Variants in NIBAN1 observed in about 807,000 individuals in gnomAD.
NIBAN1 encodes niban apoptosis regulator 1, also known as protein Niban 1.
Under a neutral mutation model 75.1 loss-of-function variants are expected in NIBAN1, and 81 were observed. That is an observed-to-expected ratio of 1.08 (90% confidence interval 0.90 to 1.30). The LOEUF (loss-of-function observed/expected upper bound fraction) is 1.30, where lower values mean the gene tolerates loss of function less well. NIBAN1 is among the 50% of genes most tolerant of loss of function. NIBAN1 has a pLI of 0.00. For synonymous variants in NIBAN1, 436 were observed against 424.8 expected, an observed-to-expected ratio of 1.03 and a Z score of -0.32; for missense variants, 1,133 against 1,128.1, an observed-to-expected ratio of 1.00 and a Z score of -0.06.
intron 1 of NIBAN1, among the ~76,000 whole-genome samples, chr1:184,946,518 G>A (rs376705251): frequency 3.0e-4 from 46 of 152,268 alleles, no homozygotes; most frequent in African/African-American, 1.0e-3. Context: ...ATTTATTTAC[G>A]CCTTGGAGCT....
At chr1:184,942,025 T>A (rs1171425764) in intron 1 of NIBAN1, among the ~76,000 whole-genome samples, 1 of 152,132 alleles carries the variant, frequency 6.6e-6, no homozygotes, top group Non-Finnish European at 1.5e-5. Flanking sequence ...AGAAACTACC[T>A]TAAGACAATG....
At chr1:184,897,741 C>A (rs1656837955) in intron 2 of NIBAN1, among the ~76,000 whole-genome samples, 1 of 152,184 alleles carries the variant, frequency 6.6e-6, no homozygotes, top group African/African-American at 2.4e-5. Flanking sequence ...AAAGGCAACT[C>A]CATCCACTTA....
Position 184,884,380 on chromosome 1 carries a change from C to G in NIBAN1, c.601+253G>C, listed in dbSNP as rs191500150. 2.0e-4 allele frequency among the ~76,000 whole-genome samples: 30 copies of G among 152,052 alleles called. No homozygotes were observed. The East Asian group carries it at 5.6e-3, about 28-fold the overall frequency. On this transcript the variant is annotated intron_variant, in intron 5 of 13. Transcript: ENST00000367511. The stretch of plus-strand genomic sequence containing the variant: ...CTGGGATTACAGGTGCCCACCACCA[C>G]GTCCAGCTATATTTTTTTGTATTTT...
chr1:184,956,046 A>T (rs1157645295), intron 1 of NIBAN1, among the ~76,000 whole-genome samples: 18 of 116,596 alleles, frequency 1.5e-4, no homozygotes, highest in African/African-American at 3.9e-4. Context: ...TTTTTTTTTT[A>T]GAGCCAAATT....
chr1:184,912,707 C>G (rs937516874), intron 1 of NIBAN1, among the ~76,000 whole-genome samples: 3 of 152,198 alleles, frequency 2.0e-5, no homozygotes, highest in African/African-American at 7.2e-5. Flanking sequence ...TGAATTATGT[C>G]AAGTCCTATG....
At chr1:184,965,109 C>A (rs569892971) in intron 1 of NIBAN1, among the ~76,000 whole-genome samples, 1 of 152,156 alleles carries the variant, frequency 6.6e-6, no homozygotes, top group Non-Finnish European at 1.5e-5. Flanking sequence ...AACATCCTGG[C>A]TGACACGGTG....
chr1:184,958,699 G>T (rs1474310493), intron 1 of NIBAN1, among the ~76,000 whole-genome samples: 2 of 152,202 alleles, frequency 1.3e-5, no homozygotes, highest in Non-Finnish European at 2.9e-5. Context: ...CAGGCCAGGA[G>T]TTAGCATTTT....
At chr1:184,832,009 T>C (rs769682464) in intron 5 of NIBAN1, 47 bp from the exon 6 acceptor site, 2 of 1,371,824 alleles carry the variant, frequency 1.5e-6, no homozygotes, top group Admixed American at 3.4e-5. Flanking sequence ...ACACTCTAGA[T>C]TTCCCCATAG....
intron 1 of NIBAN1, among the ~76,000 whole-genome samples, chr1:184,932,944 C>T (rs1161465030): frequency 6.6e-6 from 1 of 152,098 alleles, no homozygotes; most frequent in Non-Finnish European, 1.5e-5. Context: ...CGACAGATGG[C>T]AATTATAATG....
At chr1:184,964,829 T>C (rs1389331514) in intron 1 of NIBAN1, among the ~76,000 whole-genome samples, 1 of 152,200 alleles carries the variant, frequency 6.6e-6, no homozygotes, top group African/African-American at 2.4e-5. Flanking sequence ...TAATATATGT[T>C]GCCTTTATTA....
At chr1:184,828,797 A>G (rs1654915328) in intron 6 of NIBAN1, among the ~76,000 whole-genome samples, 1 of 135,264 alleles carries the variant, frequency 7.4e-6, no homozygotes, top group Admixed American at 8.3e-5. Flanking sequence ...AAATTCTGAG[A>G]GAAGCAAAAC....
At chr1:184,972,677 GTTC>G (rs1658969388) in intron 1 of NIBAN1, among the ~76,000 whole-genome samples, 1 of 152,166 alleles carries the variant, frequency 6.6e-6, no homozygotes, top group South Asian at 2.1e-4. Flanking sequence ...TGCATTACAA[GTTC>G]TTCATCTGCC....
intron 1 of NIBAN1, among the ~76,000 whole-genome samples, chr1:184,969,616 A>T (rs1395421177): frequency 6.6e-6 from 1 of 152,134 alleles, no homozygotes; most frequent in Admixed American, 6.5e-5. Context: ...GGTACAGACC[A>T]ATCAGCAGCC....
At chr1:184,851,644 T>TTA (rs578142671) in intron 5 of NIBAN1, among the ~76,000 whole-genome samples, 1 of 115,620 alleles carries the variant, frequency 8.6e-6, no homozygotes, top group Non-Finnish European at 1.8e-5. Context: ...AAAAAAAAAT[T>TTA]AAAAAAAAAA....
At chr1:184,920,897 G>A (rs1324936988) in intron 1 of NIBAN1, among the ~76,000 whole-genome samples, 1 of 152,156 alleles carries the variant, frequency 6.6e-6, no homozygotes, top group Non-Finnish European at 1.5e-5. Flanking sequence ...ACCTTGGAAG[G>A]CCAAGGCAGG....
intron 5 of NIBAN1, among the ~76,000 whole-genome samples, chr1:184,873,714 A>G (rs150386395): frequency 6.6e-6 from 1 of 152,264 alleles, no homozygotes; most frequent in East Asian, 1.9e-4. Flanking sequence ...TAAGCCCCCA[A>G]GTCTAACTGC....
At chr1:184,882,915 T>C (rs1656413862) in intron 5 of NIBAN1, among the ~76,000 whole-genome samples, 1 of 152,192 alleles carries the variant, frequency 6.6e-6, no homozygotes, top group Admixed American at 6.5e-5. Flanking sequence ...CAAGGCAAGA[T>C]TTTAATAAGG....
rs141961108 is a variant in NIBAN1 at position 184,795,153 on chromosome 1, C to A, written c.2611G>T (p.Ala871Ser). 55 of 1,614,214 alleles carry A rather than the reference C, an allele frequency of 3.4e-5. No individual in the cohort carries two copies. In the African/African-American group the frequency reaches 6.7e-4, roughly 20 times the overall value. ...TTCACACTGGCCGTGGCCTGGGCCG[C>A]GCTGCTTTGCCCTCCCATCTCTTCT... ...EQEEMGGQSS[A>S]AQATASVNAE... Residue 871 changes from alanine (A) to serine (S), a missense_variant, in exon 14 of 14, where the codon GCG becomes TCG. Transcript: ENST00000367511.
intron 1 of NIBAN1, among the ~76,000 whole-genome samples, chr1:184,945,812 G>C (rs1310492519): frequency 6.6e-6 from 1 of 152,120 alleles, no homozygotes; most frequent in East Asian, 1.9e-4. Flanking sequence ...GATTTCAAAA[G>C]AATCAGCAGA....
Sources: gnomAD v4.1 joint callset for allele counts (sites outside exome capture counted in the v4.1 genomes callset) on GRCh38, gnomAD v4.1.1 for gene constraint, MANE v1.5 for transcripts, NCBI Gene and HGNC (gene_info 2026-07-23, HGNC 2026-07-21) for gene names.